SEM1: variants seen among roughly 807,000 people sequenced by gnomAD.
SEM1 encodes SEM1 26S proteasome subunit, also known as 26S proteasome complex subunit SEM1.
SEM1 carries 3 observed loss-of-function variants against 12.7 expected under a neutral mutation model. The observed-to-expected ratio is 0.24, with a 90% confidence interval of 0.11 to 0.61. SEM1 has a LOEUF of 0.61. Ranked by LOEUF, SEM1 falls within the 20% of genes least tolerant of loss-of-function variation. The pLI is 0.88. For synonymous variants in SEM1, 30 were observed against 27.8 expected (o/e 1.08, Z -0.25); for missense variants, 59 against 81.3 (o/e 0.73, Z 1.06).
intron 3 of SEM1, among the ~76,000 whole-genome samples, chr7:96,502,328 C>T (rs1262834868): frequency 6.6e-6 from 1 of 152,078 alleles, no homozygotes; most frequent in African/African-American, 2.4e-5. Context: ...GTAAGATCCT[C>T]TCAAAGTAAT....
intron 2 of SEM1, among the ~76,000 whole-genome samples, chr7:96,574,577 C>A: frequency 6.6e-6 from 1 of 152,154 alleles, no homozygotes; most frequent in Non-Finnish European, 1.5e-5. Context: ...TCCTATTTCT[C>A]CACATCCTCT....
rs146287073 is a variant in SEM1 at position 96,700,356 on chromosome 7, T to C, written c.77-5465A>G. ...AAGGATTAAGGATATTTGGTAAATT[T>C]TAAATACTTATGAAGAAGAGTACAC... is the stretch of plus-strand genomic sequence containing the variant. On this transcript the variant is annotated intron_variant, in intron 1 of 2. Transcript: ENST00000248566. 4.6e-5 allele frequency among the ~76,000 whole-genome samples: 7 copies of C among 152,274 alleles called. No homozygotes were observed. In the East Asian group the frequency reaches 1.4e-3, roughly 29 times the overall value.
At chr7:96,642,411 A>T (rs1054838596) in intron 2 of SEM1, among the ~76,000 whole-genome samples, 4 of 152,102 alleles carry the variant, frequency 2.6e-5, no homozygotes, top group African/African-American at 9.7e-5. Context: ...TACTTCAATT[A>T]CATCCTCAAA....
chr7:96,603,487 G>T (rs1807252709), intron 2 of SEM1, among the ~76,000 whole-genome samples: 2 of 152,018 alleles, frequency 1.3e-5, no homozygotes. Context: ...AGAGAGAATG[G>T]TCACCACATT....
At chr7:96,684,473 G>A (rs1244093968), downstream of SEM1, among the ~76,000 whole-genome samples, 11 of 151,990 alleles carry the variant, frequency 7.2e-5, no homozygotes, top group East Asian at 1.7e-3. Flanking sequence ...CGTTTGGGGG[G>A]CGGGGGAGGC....
chr7:96,547,654 T>C (rs545312165), intron 2 of SEM1, among the ~76,000 whole-genome samples: 2 of 152,242 alleles, frequency 1.3e-5, no homozygotes, highest in African/African-American at 4.8e-5. Context: ...TGCAATTAGT[T>C]CTATTATGAA....
chr7:96,662,098 G>T (rs928499882), intron 2 of SEM1, among the ~76,000 whole-genome samples: 3 of 151,494 alleles, frequency 2.0e-5, no homozygotes, highest in Non-Finnish European at 2.9e-5. Flanking sequence ...TTCAACCATT[G>T]TGGCAGACAC....
chr7:96,518,246 G>A (rs11974374), intron 2 of SEM1, among the ~76,000 whole-genome samples: 2 of 152,082 alleles, frequency 1.3e-5, no homozygotes, highest in East Asian at 1.9e-4. Context: ...ACTCAAATTC[G>A]GGGCTGGAGT....
chr7:96,643,580 C>T (rs1358543798), intron 2 of SEM1, among the ~76,000 whole-genome samples: 2 of 151,782 alleles, frequency 1.3e-5, no homozygotes, highest in African/African-American at 4.8e-5. Flanking sequence ...GATAGACTGG[C>T]TAAAGAAAAT....
intron 2 of SEM1, among the ~76,000 whole-genome samples, chr7:96,602,497 CTCAT>C (rs1218826867): frequency 6.6e-6 from 1 of 152,170 alleles, no homozygotes; most frequent in African/African-American, 2.4e-5. Context: ...ACTGGTTTTA[CTCAT>C]TCATATCACC....
At chr7:96,622,214 C>A (rs1259881600), downstream of SEM1, 1 of 165,868 alleles carries the variant, frequency 6.0e-6, no homozygotes, top group African/African-American at 2.4e-5. Context: ...GGATTAAATT[C>A]TCTGAAGGAA....
intron 2 of SEM1, among the ~76,000 whole-genome samples, chr7:96,566,649 G>A (rs755568465): frequency 6.6e-6 from 1 of 151,434 alleles, no homozygotes; most frequent in Non-Finnish European, 1.5e-5. Flanking sequence ...TAATTTTTAT[G>A]TAGGCAAATT....
intron 2 of SEM1, among the ~76,000 whole-genome samples, chr7:96,565,965 TTTTTGTCCAAATCATATAGCAC>T (rs1158538249): frequency 6.6e-6 from 1 of 151,822 alleles, no homozygotes; most frequent in Non-Finnish European, 1.5e-5. Context: ...AACAATATAC[TTTTTGTCCAAATCATATAGCAC>T]TTTTGTCCAA....
chr7:96,536,622 T>C (rs1804792820), intron 2 of SEM1, among the ~76,000 whole-genome samples: 1 of 151,804 alleles, frequency 6.6e-6, no homozygotes, highest in Non-Finnish European at 1.5e-5. Context: ...ACATCAAGGA[T>C]TGTTATATCT....
At chr7:96,490,250 G>A (rs569312771) in intron 1 of SEM1, among the ~76,000 whole-genome samples, 3 of 152,230 alleles carry the variant, frequency 2.0e-5, no homozygotes, top group South Asian at 4.1e-4. Flanking sequence ...TTCCAAGGAC[G>A]TTGAAGTGTT....
At chr7:96,539,751 A>G (rs985789351) in intron 2 of SEM1, among the ~76,000 whole-genome samples, 4 of 151,908 alleles carry the variant, frequency 2.6e-5, no homozygotes, top group Middle Eastern at 6.8e-3. Context: ...CACTCAGACC[A>G]GGGCCTGTTT....
chr7:96,702,487 A>C (rs1790301340), intron 1 of SEM1, among the ~76,000 whole-genome samples: 1 of 152,216 alleles, frequency 6.6e-6, no homozygotes, highest in Non-Finnish European at 1.5e-5. Context: ...GAGACATGGC[A>C]AAAGGACACA....
chr7:96,704,158 C>G (rs1790370002), intron 1 of SEM1, among the ~76,000 whole-genome samples: 1 of 151,516 alleles, frequency 6.6e-6, no homozygotes, highest in African/African-American at 2.4e-5. Flanking sequence ...TAATAAAAAT[C>G]AAGTAGGAGG....
intron 2 of SEM1, among the ~76,000 whole-genome samples, chr7:96,528,808 TG>T (rs1804548645): frequency 6.6e-6 from 1 of 152,122 alleles, no homozygotes; most frequent in South Asian, 2.1e-4. Flanking sequence ...TGCTAGAGTA[TG>T]GAAGAGAGAG....
Sources: gnomAD v4.1 joint callset for allele counts (sites outside exome capture counted in the v4.1 genomes callset) on GRCh38, gnomAD v4.1.1 for gene constraint, MANE v1.5 for transcripts, NCBI Gene and HGNC (gene_info 2026-07-23, HGNC 2026-07-21) for gene names.